The following WDTC1 variants were observed in gnomAD, a reference collection of about 807,000 sequenced individuals.
The protein encoded by WDTC1 is WD and tetratricopeptide repeats 1, also known as WD and tetratricopeptide repeats protein 1.
A neutral mutation model predicts 76.0 loss-of-function variants in WDTC1; 12 were observed. That is an observed-to-expected ratio of 0.16 (90% CI 0.10 to 0.26). The LOEUF is 0.26. Among genes scored for constraint, WDTC1 ranks in the 10% least tolerant of loss-of-function variants. The pLI, the probability that WDTC1 is intolerant of heterozygous loss-of-function variation, is 1.00. For missense variants in WDTC1, 511 were observed against 908.8 expected (o/e 0.56, Z 5.63); for synonymous variants, 326 against 350.8 (o/e 0.93, Z 0.79).
intron 1 of WDTC1, 146 bp from the exon 2 acceptor site, chr1:27,260,810 C>T: frequency 1.8e-6 from 1 of 547,714 alleles, no homozygotes; most frequent in Non-Finnish European, 3.2e-6. Flanking sequence ...AGAGGTTTTT[C>T]AACACTATGG....
chr1:27,303,609 C>T lies in WDTC1; in HGVS notation c.1469-12C>T. On this transcript the variant is annotated splice_polypyrimidine_tract_variant and intron_variant, in intron 13 of 15. Coordinates refer to ENST00000319394, the MANE Select transcript of WDTC1 (RefSeq NM_001276252.2). This position sits in a 1 kb window ranked among gnomAD's most constrained non-coding sequence, Gnocchi z 4.8. ...AACAAGGCGCTTACCTTTTCTGGAT[C>T]TCTGCCCCCAGAGGAGAAGAAGGGA... 1 of 1,574,874 alleles carries T rather than the reference C, an allele frequency of 6.3e-7. No homozygotes were observed. Among genetic ancestry groups the T allele is most frequent in the South Asian group, 1.2e-5 (1 of 85,386 alleles).
chr1:27,276,815 T>C (rs142810532), intron 3 of WDTC1, among the ~76,000 whole-genome samples: 6 of 152,258 alleles, frequency 3.9e-5, no homozygotes, highest in Admixed American at 2.0e-4. Context: ...GTTGAGCATG[T>C]TTTCATGTGC....
chr1:27,247,477 C>G (rs1255690245), intron 1 of WDTC1, among the ~76,000 whole-genome samples: 2 of 152,072 alleles, frequency 1.3e-5, no homozygotes, highest in African/African-American at 4.8e-5. Context: ...CTTCCTCTTC[C>G]CACCCTCCAC....
intron 6 of WDTC1, among the ~76,000 whole-genome samples, chr1:27,290,669 A>G (rs948826173): frequency 3.3e-5 from 5 of 152,044 alleles, no homozygotes; most frequent in African/African-American, 1.2e-4. Flanking sequence ...TTCATTCTAA[A>G]ATGGTGTCGT....
In WDTC1 at chr1:27,256,492, G is replaced by A. The variant is rs149168417; in HGVS notation, c.-99-4464G>A. On this transcript the variant is annotated intron_variant, in intron 1 of 15. Coordinates refer to ENST00000319394, the MANE Select transcript of WDTC1 (RefSeq NM_001276252.2). ...AAGGGGAATTCCCAAAATATAAGAA[G>A]CGTTCAAATGCTGAGAAGCCAGAAA... 3.5e-3 allele frequency among the ~76,000 whole-genome samples: 535 copies of A among 152,284 alleles called. 7 individuals are homozygous for A. Among genetic ancestry groups the A allele is most frequent in the Non-Finnish European group, 2.4e-3 (160 of 68,030 alleles).
At chr1:27,253,186 G>T (rs1271087654) in intron 1 of WDTC1, among the ~76,000 whole-genome samples, 1 of 151,442 alleles carries the variant, frequency 6.6e-6, no homozygotes, top group East Asian at 1.9e-4. Context: ...CTTTTTGTAC[G>T]TTTAGTAGAG....
chr1:27,241,902 T>G (rs1316456415), intron 1 of WDTC1, among the ~76,000 whole-genome samples: 4 of 149,338 alleles, frequency 2.7e-5, no homozygotes, highest in Non-Finnish European at 4.5e-5. Flanking sequence ...TTTTTTTTGT[T>G]TTTTTTTTTT....
intron 3 of WDTC1, among the ~76,000 whole-genome samples, chr1:27,272,770 A>G (rs934877386): frequency 1.3e-5 from 2 of 152,138 alleles, no homozygotes; most frequent in East Asian, 1.9e-4. Context: ...ATAGCTGGGC[A>G]TGGTTACACA....
At chr1:27,269,164 CAAAAA>C (rs34447091) in intron 3 of WDTC1, among the ~76,000 whole-genome samples, 1 of 58,848 alleles carries the variant, frequency 1.7e-5, no homozygotes, top group Non-Finnish European at 2.7e-5. Flanking sequence ...CCTGTTTCTC[CAAAAA>C]AAAAAAAAAA....
rs1570984861 is a variant in WDTC1 at position 27,296,938 on chromosome 1, A to G, written c.950-110A>G. On this transcript the variant is annotated intron_variant, in intron 10 of 15. Transcript: ENST00000319394. ...GGAATGGATCTTACTCTGGGAGAACAGTCCCACGATGGAACCATCAGACCC... is the reference window on the plus strand; with the variant it reads ...GGAATGGATCTTACTCTGGGAGAACGGTCCCACGATGGAACCATCAGACCC... 9.6e-6 allele frequency: 9 copies of G among 938,678 alleles called. No individual in the cohort carries two copies. In the East Asian group the frequency reaches 2.2e-4, roughly 23 times the overall value. 58.1% of individuals were successfully genotyped at this position (938,678 alleles called of 1,614,324 possible).
chr1:27,268,162 G>A (rs1374075843), intron 3 of WDTC1, among the ~76,000 whole-genome samples: 6 of 152,030 alleles, frequency 3.9e-5, no homozygotes. Context: ...TTTCACAGGC[G>A]AGGCATGGTG....
intron 1 of WDTC1, among the ~76,000 whole-genome samples, chr1:27,250,339 G>A (rs780494457): frequency 1.3e-5 from 2 of 151,846 alleles, no homozygotes; most frequent in Non-Finnish European, 2.9e-5. Flanking sequence ...TAGTAGAAAC[G>A]GGGTTTTGCC....
intron 1 of WDTC1, among the ~76,000 whole-genome samples, chr1:27,245,238 G>A (rs2011787411): frequency 6.6e-6 from 1 of 151,796 alleles, no homozygotes; most frequent in Non-Finnish European, 1.5e-5. Context: ...TAAAAGGATT[G>A]TTGCAAAGTT....
intron 1 of WDTC1, among the ~76,000 whole-genome samples, chr1:27,237,282 CTT>C (rs2147894138): frequency 6.6e-6 from 1 of 152,306 alleles, no homozygotes; most frequent in East Asian, 1.9e-4. Context: ...TCTCTTCTCT[CTT>C]TTTAAAAATT....
Position 27,301,501 on chromosome 1 carries a change from C to G in WDTC1, c.1468+40C>G, listed in dbSNP as rs780335373. 1.9e-6 allele frequency: 3 copies of G among 1,592,014 alleles called. No homozygotes were observed. The highest frequency in any genetic ancestry group is 2.6e-6 in the Non-Finnish European group (3 of 1,169,450). Reference sequence around the variant, plus strand: ...AGGAGGGGGTGCTGTTACTCTTTCTCTTTGAGATGCTGCATGACATTCTGG... The same window carrying G: ...AGGAGGGGGTGCTGTTACTCTTTCTGTTTGAGATGCTGCATGACATTCTGG... On this transcript the variant is annotated intron_variant, in intron 13 of 15. Coordinates refer to ENST00000319394, the MANE Select transcript of WDTC1 (RefSeq NM_001276252.2). This position sits in a 1 kb window ranked among gnomAD's most constrained non-coding sequence, Gnocchi z 5.8.
intron 9 of WDTC1, among the ~76,000 whole-genome samples, chr1:27,294,979 A>G (rs1156559325): frequency 6.6e-6 from 1 of 152,186 alleles, no homozygotes; most frequent in Non-Finnish European, 1.5e-5. Context: ...TCTGAGCCTC[A>G]GTTTCCTCGT....
intron 3 of WDTC1, among the ~76,000 whole-genome samples, chr1:27,271,463 C>T (rs1322934090): frequency 6.6e-6 from 1 of 152,058 alleles, no homozygotes; most frequent in Non-Finnish European, 1.5e-5. Flanking sequence ...GACCTGCCTG[C>T]CACAGCCTCC....
chr1:27,270,014 A>G (rs1190338234), intron 3 of WDTC1, among the ~76,000 whole-genome samples: 1 of 151,362 alleles, frequency 6.6e-6, no homozygotes, highest in East Asian at 2.0e-4. Flanking sequence ...ATGGCTCACG[A>G]TAGCCTTGAC....
At chr1:27,304,909 C>T in intron 14 of WDTC1, 92 bp from the exon 15 acceptor site, 2 of 1,340,694 alleles carry the variant, frequency 1.5e-6, no homozygotes, top group African/African-American at 1.5e-5. Context: ...TGCAGACTTC[C>T]TTGCTCCCCC....
Sources: gnomAD v4.1 joint callset for allele counts (sites outside exome capture counted in the v4.1 genomes callset) on GRCh38, gnomAD v4.1.1 for gene constraint, Gnocchi (gnomAD v3.1) non-coding constraint, MANE v1.5 for transcripts, NCBI Gene and HGNC (gene_info 2026-07-23, HGNC 2026-07-21) for gene names.